CCDC171: variants seen among roughly 807,000 people sequenced by gnomAD.
The protein encoded by CCDC171 is coiled-coil domain-containing protein 171.
A neutral mutation model predicts 168.2 loss-of-function variants in CCDC171; 177 were observed. The ratio of observed to expected loss-of-function variants is 1.05; its 90% CI spans 0.93 to 1.19. The LOEUF is 1.19. Ranked by LOEUF, CCDC171 falls within the 50% of genes most tolerant of loss-of-function variation. The pLI is 0.00. For synonymous variants in CCDC171, 687 were observed against 540.8 expected (o/e 1.27, Z -3.75); for missense variants, 1,991 against 1,539.0 (o/e 1.29, Z -4.91).
intron 24 of CCDC171, among the ~76,000 whole-genome samples, chr9:15,903,853 C>A (rs1328652492): frequency 1.3e-5 from 2 of 152,176 alleles, no homozygotes; most frequent in Non-Finnish European, 2.9e-5. Flanking sequence ...AGCTGAAAAC[C>A]ATGGCACGAG....
At chr9:15,695,202 G>T in intron 10 of CCDC171, 33 bp from the exon 11 acceptor site, 1 of 1,417,130 alleles carries the variant, frequency 7.1e-7, no homozygotes, top group South Asian at 1.1e-5. Context: ...TATAATACGT[G>T]ACCTTATGTG....
intron 21 of CCDC171, among the ~76,000 whole-genome samples, chr9:15,805,909 C>G (rs956496313): frequency 3.3e-5 from 5 of 152,106 alleles, no homozygotes; most frequent in African/African-American, 1.2e-4. Flanking sequence ...TTGAAGGTCT[C>G]TAAGAATGTG....
At chr9:16,095,221 G>A in the CCDC171 span, among the ~76,000 whole-genome samples, 2 of 152,250 alleles carry the variant, frequency 1.3e-5, no homozygotes, top group Admixed American at 1.3e-4. Context: ...GCTCCCTCAG[G>A]AGCAGTTGTG....
chr9:15,611,792 G>T (rs1404167970), intron 6 of CCDC171, among the ~76,000 whole-genome samples: 1 of 152,090 alleles, frequency 6.6e-6, no homozygotes, highest in Admixed American at 6.5e-5. Flanking sequence ...TTCCAACAAT[G>T]CTCCTGTATT....
At chr9:15,876,407 C>A (rs896579778) in intron 24 of CCDC171, among the ~76,000 whole-genome samples, 1 of 152,080 alleles carries the variant, frequency 6.6e-6, no homozygotes. Context: ...TTAATTCTCA[C>A]AATGAGCCTG....
At chr9:15,854,450 C>T (rs1205015935) in intron 23 of CCDC171, among the ~76,000 whole-genome samples, 1 of 151,292 alleles carries the variant, frequency 6.6e-6, no homozygotes, top group African/African-American at 2.4e-5. Context: ...ATTTTTATTT[C>T]TGATTTTAGT....
chr9:15,745,471 T>A (rs1298685843), intron 17 of CCDC171, 44 bp from the exon 18 acceptor site: 3 of 1,235,968 alleles, frequency 2.4e-6, no homozygotes, highest in African/African-American at 3.1e-5. Flanking sequence ...TAGATTTTAA[T>A]AAAGTTTTGT....
chr9:15,578,195 A>G (rs2040824660), intron 3 of CCDC171, among the ~76,000 whole-genome samples: 2 of 150,182 alleles, frequency 1.3e-5, no homozygotes, highest in African/African-American at 4.9e-5. Context: ...TGTATCATGC[A>G]TTTTTTTGTT....
intron 6 of CCDC171, among the ~76,000 whole-genome samples, chr9:15,618,379 C>T (rs568441510): frequency 2.0e-3 from 303 of 152,240 alleles, no homozygotes; most frequent in African/African-American, 7.1e-3. Flanking sequence ...CCACCAAGCT[C>T]GATCATCCCA....
At chr9:15,982,819 G>A (rs1240949831) in intron 3 of CCDC171, among the ~76,000 whole-genome samples, 1 of 152,070 alleles carries the variant, frequency 6.6e-6, no homozygotes, top group East Asian at 1.9e-4. Flanking sequence ...GCACTCTTCT[G>A]TGTCCAGAGA....
At chr9:15,553,975 G>A (rs1281951882) in intron 1 of CCDC171, among the ~76,000 whole-genome samples, 1 of 150,102 alleles carries the variant, frequency 6.7e-6, no homozygotes, top group Non-Finnish European at 1.5e-5. Flanking sequence ...ACATACCGAT[G>A]TTTTATGGTT....
intron 25 of CCDC171, among the ~76,000 whole-genome samples, chr9:15,952,145 C>T (rs1829261320): frequency 6.6e-6 from 1 of 152,042 alleles, no homozygotes; most frequent in Admixed American, 6.6e-5. Flanking sequence ...CGTATTTTTT[C>T]CCCATTAAAT....
chr9:16,085,812 T>TAGACTA, the CCDC171 span, among the ~76,000 whole-genome samples: 2 of 152,224 alleles, frequency 1.3e-5, no homozygotes, highest in Admixed American at 6.5e-5. Context: ...GTCTGTATGA[T>TAGACTA]TATCACAAAT....
chr9:15,778,902 A>T (rs1023614140), intron 19 of CCDC171, 66 bp from the exon 20 acceptor site: 42 of 1,120,606 alleles, frequency 3.7e-5, no homozygotes, highest in Non-Finnish European at 4.9e-5. Flanking sequence ...ATTTAGTAAA[A>T]TGGTTATTGC....
chr9:15,981,129 G>T (rs927479120), intron 3 of CCDC171, among the ~76,000 whole-genome samples: 1 of 152,070 alleles, frequency 6.6e-6, no homozygotes, highest in African/African-American at 2.4e-5. Flanking sequence ...ACAACACATG[G>T]GAATTCAAGA....
At chr9:15,781,524 T>G (rs1220304248) in intron 20 of CCDC171, among the ~76,000 whole-genome samples, 1 of 152,064 alleles carries the variant, frequency 6.6e-6, no homozygotes, top group African/African-American at 2.4e-5. Context: ...TTCAAGGAAT[T>G]CTCCTGCCTC....
intron 11 of CCDC171, among the ~76,000 whole-genome samples, chr9:15,700,449 G>C (rs1437295798): frequency 6.6e-6 from 1 of 152,092 alleles, no homozygotes; most frequent in Admixed American, 6.5e-5. Flanking sequence ...CAAGCTGAGG[G>C]AGTGGGCTGC....
chr9:16,070,897 A>G, the CCDC171 span, among the ~76,000 whole-genome samples: 6 of 152,048 alleles, frequency 3.9e-5, no homozygotes, highest in Non-Finnish European at 8.8e-5. Flanking sequence ...TAGTTAGTGT[A>G]GGTTTGGATG....
At position 15,921,564 on chromosome 9, in the gene CCDC171, C is replaced by T. The variant is rs1825330087; in HGVS notation, c.3753+1142C>T. On this transcript the variant is annotated intron_variant, in intron 25 of 25. Coordinates refer to ENST00000380701, the MANE Select transcript of CCDC171 (RefSeq NM_173550.4). ...TTTGCTTCATTGCTGTTAAGACTTT[C>T]CAGTTCTAAGAGCAGTCTGGCTTAT... is the stretch of plus-strand genomic sequence containing the variant. Among the ~76,000 whole-genome samples the T allele has an allele frequency of 4.0e-5, 6 of 151,550 alleles. No individual in the cohort carries two copies. In the Admixed American group the frequency reaches 4.0e-4, roughly 10 times the overall value.
Sources: gnomAD v4.1 joint callset for allele counts (sites outside exome capture counted in the v4.1 genomes callset) on GRCh38, gnomAD v4.1.1 for gene constraint, MANE v1.5 for transcripts, NCBI Gene and HGNC (gene_info 2026-07-23, HGNC 2026-07-21) for gene names.